The following CTNNA2 variants were observed in gnomAD, a reference collection of about 807,000 sequenced individuals.
The protein encoded by CTNNA2 is catenin alpha-2.
In CTNNA2, 42 loss-of-function variants were observed where a neutral mutation model predicts 101.0. The observed-to-expected ratio is 0.42, with a 90% confidence interval of 0.32 to 0.54. CTNNA2 has a LOEUF of 0.54. Among genes scored for constraint, CTNNA2 ranks in the 20% least tolerant of loss-of-function variants. The pLI, the probability that CTNNA2 is intolerant of heterozygous loss-of-function variation, is 0.14. For synonymous variants in CTNNA2, 450 were observed against 456.4 expected (o/e 0.99, Z 0.18); for missense variants, 871 against 1,223.1 (o/e 0.71, Z 4.29).
At chr2:80,077,435 C>T (rs1698831133) in intron 7 of CTNNA2, among the ~76,000 whole-genome samples, 1 of 151,776 alleles carries the variant, frequency 6.6e-6, no homozygotes, top group African/African-American at 2.4e-5. Context: ...AAGTATTAGT[C>T]AACAATTTTT....
chr2:79,920,542 C>A (rs1052992616), intron 7 of CTNNA2, among the ~76,000 whole-genome samples: 1 of 152,156 alleles, frequency 6.6e-6, no homozygotes, highest in Non-Finnish European at 1.5e-5. Flanking sequence ...CCCCTCTTCT[C>A]CTCTAATAAT....
chr2:80,423,744 A>G (rs577305409), intron 9 of CTNNA2, among the ~76,000 whole-genome samples: 14 of 152,294 alleles, frequency 9.2e-5, no homozygotes, highest in Admixed American at 4.6e-4. Context: ...ATGCCAGTTC[A>G]TAATGGTTCA....
At chr2:79,383,616 A>C (rs1400838480) in intron 4 of CTNNA2, among the ~76,000 whole-genome samples, 1 of 152,150 alleles carries the variant, frequency 6.6e-6, no homozygotes, top group East Asian at 1.9e-4. Flanking sequence ...AGATGTTAAA[A>C]AACCCATTCT....
At chr2:80,075,708 A>G (rs1219809428) in intron 7 of CTNNA2, among the ~76,000 whole-genome samples, 1 of 84,708 alleles carries the variant, frequency 1.2e-5, no homozygotes. Context: ...TTGTATAAAT[A>G]TTATAAAAAT....
intron 2 of CTNNA2, among the ~76,000 whole-genome samples, chr2:79,231,957 G>A (rs923297572): frequency 5.9e-5 from 9 of 152,090 alleles, no homozygotes; most frequent in African/African-American, 1.9e-4. Flanking sequence ...GAGCCTTTGG[G>A]TGGTATCTTT....
chr2:80,271,589 T>A (rs1324994623), intron 7 of CTNNA2, among the ~76,000 whole-genome samples: 2 of 151,904 alleles, frequency 1.3e-5, no homozygotes, highest in African/African-American at 4.8e-5. Flanking sequence ...GCCAGGCTAA[T>A]TTTTTTATAT....
chr2:79,547,012 A>G (rs1407904503), intron 1 of CTNNA2: 2 of 151,880 alleles, frequency 1.3e-5, no homozygotes, highest in Non-Finnish European at 2.9e-5. Context: ...GTACTTGTTT[A>G]CTAAAATGTA....
intron 7 of CTNNA2, among the ~76,000 whole-genome samples, chr2:80,201,240 A>G (rs1428111275): frequency 6.6e-6 from 1 of 151,930 alleles, no homozygotes; most frequent in African/African-American, 2.4e-5. Context: ...GCTTGAATCC[A>G]TGGGTGTATA....
At chr2:80,200,452 A>G (rs1243145087) in intron 7 of CTNNA2, among the ~76,000 whole-genome samples, 1 of 152,154 alleles carries the variant, frequency 6.6e-6, no homozygotes, top group East Asian at 1.9e-4. Flanking sequence ...ACTACTTTGT[A>G]TGAGAATAGT....
At position 80,080,973 on chromosome 2, in the gene CTNNA2, GAAAT is replaced by G. The variant is rs1374875689; in HGVS notation, c.1056+171177_1056+171180del. Among the ~76,000 whole-genome samples the G allele has an allele frequency of 3.5e-3, 286 of 81,972 alleles. 3 individuals carry two copies. Among genetic ancestry groups the G allele is most frequent in the Middle Eastern group, 0.029 (3 of 102 alleles). 53.8% of individuals were successfully genotyped at this position (81,972 alleles called of 152,430 possible). A position where few individuals can be genotyped will look rare whatever the true frequency, so the allele number is the denominator to read the frequency against. ...TAAAAAAAAAAAAAAAAAAAAAAAAGAAATGCTTGCCGTGTTGCAGATACATGGG... is the reference window on the plus strand; with the variant it reads ...TAAAAAAAAAAAAAAAAAAAAAAAAGGCTTGCCGTGTTGCAGATACATGGG... On this transcript the variant is annotated intron_variant, in intron 7 of 18. Coordinates refer to ENST00000402739, the MANE Select transcript of CTNNA2 (RefSeq NM_001282597.3).
At chr2:80,305,198 G>T (rs573891449) in intron 7 of CTNNA2, 2 of 985,316 alleles carry the variant, frequency 2.0e-6, no homozygotes, top group South Asian at 9.4e-5. Flanking sequence ...TCCCCCTCTT[G>T]CGGGTACTGG....
intron 15 of CTNNA2, among the ~76,000 whole-genome samples, chr2:80,599,686 A>G (rs1697297898): frequency 6.6e-6 from 1 of 152,188 alleles, no homozygotes; most frequent in Non-Finnish European, 1.5e-5. Context: ...CAGAACACAT[A>G]TGAGATATTC....
At chr2:79,801,495 A>G (rs1284325910) in intron 3 of CTNNA2, among the ~76,000 whole-genome samples, 1 of 152,184 alleles carries the variant, frequency 6.6e-6, no homozygotes, top group South Asian at 2.1e-4. Flanking sequence ...GGGCTAATAG[A>G]TAAGAGCTGT....
chr2:79,427,038 T>C (rs1452162071), intron 4 of CTNNA2, among the ~76,000 whole-genome samples: 1 of 152,068 alleles, frequency 6.6e-6, no homozygotes, highest in East Asian at 1.9e-4. Flanking sequence ...CAAACCTCTC[T>C]CACAACCCAT....
chr2:80,308,006 T>C (rs1284499431), intron 7 of CTNNA2, among the ~76,000 whole-genome samples: 2 of 152,238 alleles, frequency 1.3e-5, no homozygotes, highest in African/African-American at 4.8e-5. Context: ...AAATTCGTTG[T>C]AGTTAGAGAG....
intron 7 of CTNNA2, among the ~76,000 whole-genome samples, chr2:80,244,110 T>C (rs1671147226): frequency 6.6e-6 from 1 of 152,214 alleles, no homozygotes; most frequent in African/African-American, 2.4e-5. Flanking sequence ...ATCTATTTTG[T>C]GAGCTTACAA....
intron 2 of CTNNA2, among the ~76,000 whole-genome samples, chr2:79,238,777 G>A (rs1462797459): frequency 4.6e-5 from 7 of 152,042 alleles, no homozygotes; most frequent in Non-Finnish European, 8.8e-5. Context: ...ATCATATTGG[G>A]TCTTTACAAA....
At chr2:79,571,747 T>G (rs1022734495) in intron 1 of CTNNA2, among the ~76,000 whole-genome samples, 1 of 152,220 alleles carries the variant, frequency 6.6e-6, no homozygotes, top group Non-Finnish European at 1.5e-5. Flanking sequence ...TAACTTCACC[T>G]TTCAGCTTCC....
intron 7 of CTNNA2, among the ~76,000 whole-genome samples, chr2:80,079,865 AATAAAATAAAATAAAATAAT>A: frequency 8.9e-6 from 1 of 112,978 alleles, no homozygotes; most frequent in Middle Eastern, 3.9e-3. Context: ...AATAAAATAA[AATAAAATAAAATAAAATAAT>A]AAAATAAAAT....
Sources: allele counts gnomAD v4.1 joint callset (sites outside exome capture counted in the v4.1 genomes callset), GRCh38; gene constraint gnomAD v4.1.1; transcripts MANE v1.5; gene names NCBI Gene and HGNC (gene_info 2026-07-23, HGNC 2026-07-21).